EHBP1L1: variants seen among roughly 807,000 people sequenced by gnomAD.
EHBP1L1 encodes the protein EH domain-binding protein 1-like protein 1.
EHBP1L1 carries 122 observed loss-of-function variants against 151.1 expected under a neutral mutation model. The ratio of observed to expected loss-of-function variants is 0.81; its 90% CI spans 0.70 to 0.94. The LOEUF is 0.94. Ranked by LOEUF, EHBP1L1 falls within the 40% of genes least tolerant of loss-of-function variation. The probability of loss-of-function intolerance (pLI) is 0.00; values close to 1 mark genes in which losing one functional copy is unlikely to be tolerated. For synonymous variants in EHBP1L1, 878 were observed against 810.1 expected, an observed-to-expected ratio of 1.08 and a Z score of -1.42; for missense variants, 1,941 against 1,959.8, an observed-to-expected ratio of 0.99 and a Z score of 0.18.
rs1330267088 is a variant in EHBP1L1, at chr11:65,590,022, G to T, written c.4059+31G>T. The stretch of plus-strand genomic sequence containing the variant: ...GAGGGCTAAGTGGGAGGAGCTGATG[G>T]GTGAGCACCACCTATTCAGGGCCTG... On this transcript the variant is annotated intron_variant, in intron 14 of 18. Transcript: ENST00000309295. 1.9e-6 allele frequency: 3 copies of T among 1,609,176 alleles called. No homozygotes were observed. The South Asian group carries it at 3.3e-5, about 18-fold the overall frequency.
chr11:65,576,531 C>A, intron 1 of EHBP1L1, 125 bp downstream of exon 1: 1 of 823,386 alleles, frequency 1.2e-6, no homozygotes, highest in Non-Finnish European at 1.8e-6. Flanking sequence ...AGCTTGGGCC[C>A]TGGTTCCGTT....
In EHBP1L1 at chr11:65,576,380, G is replaced by A. The variant is rs747345136; in HGVS notation, c.78G>A (p.Glu26=). The change falls in exon 1 of 19, where the codon GAG becomes GAA. Residue 26 remains glutamate (E), a synonymous_variant. Coordinates refer to ENST00000309295, the MANE Select transcript of EHBP1L1 (RefSeq NM_001099409.3). ...AKFQFVACYH[E]LVLECTKKWQ... is the part of the protein sequence containing the mutation. ...TCCAGTTCGTGGCCTGTTACCACGA[G>A]CTAGTGTTGGAGTGCACCAAGAAAT... 1.9e-6 allele frequency: 3 copies of A among 1,592,242 alleles called. No individual in the cohort carries two copies. The highest frequency in any genetic ancestry group is 1.1e-5 in the South Asian group (1 of 87,728).
rs1199511801 is a variant in EHBP1L1, at chr11:65,580,234, G to C, written c.466G>C (p.Val156Leu). ...TGAGCTGAGCCTCACTCTTTCCGGG[G>C]TGCTGCTGCGGGAGGGCCGTGCCAC... Reference protein sequence around the residue: ...QAELSLTLSGVLLREGRATDD... With the variant: ...QAELSLTLSGLLLREGRATDD... Residue 156 changes from valine to leucine, a missense_variant, in exon 5 of 19, where the codon GTG becomes CTG. By Grantham distance (32) the Val-to-Leu change is conservative. Coordinates refer to ENST00000309295, the MANE Select transcript of EHBP1L1 (RefSeq NM_001099409.3). 12 of 1,613,460 alleles carry C rather than the reference G, an allele frequency of 7.4e-6. No homozygotes were observed. Among genetic ancestry groups the C allele is most frequent in the African/African-American group, 1.3e-5 (1 of 74,934 alleles).
intron 12 of EHBP1L1, 149 bp from the exon 13 acceptor site, chr11:65,589,602 C>T (rs1326938327): frequency 8.0e-7 from 1 of 1,251,986 alleles, no homozygotes; most frequent in African/African-American, 1.5e-5. Flanking sequence ...CCCGGGGGTT[C>T]TGTGCATGCA....
In EHBP1L1 at chr11:65,581,916, C is replaced by T; in HGVS notation, c.1244C>T (p.Ala415Val). The T allele has an allele frequency of 6.2e-7, 1 of 1,613,730 alleles. No homozygotes were observed. Among genetic ancestry groups the T allele is most frequent in the Non-Finnish European group, 8.5e-7 (1 of 1,179,806 alleles). ...AGGTCAGGAGTCAGAGCTGGGGAGG[C>T]TGAAGAGAGTTCAGCAGTTTGTCAA... Reference protein sequence around the residue: ...TKRSGVRAGEAEESSAVCQVD... With the variant: ...TKRSGVRAGEVEESSAVCQVD... The change falls in exon 9 of 19, where the codon GCT (alanine) becomes GTT (valine). Residue 415 changes from alanine (A) to valine (V), a missense_variant. Transcript: ENST00000309295.
chr11:65,592,171 A>G (rs780701549), intron 18 of EHBP1L1, 32 bp from the exon 19 acceptor site: 2 of 1,599,508 alleles, frequency 1.3e-6, no homozygotes, highest in Non-Finnish European at 1.7e-6. Flanking sequence ...ACCCCGCCCA[A>G]CGGAGCGCTG....
Position 65,581,383 on chromosome 11 carries a change from G to A in EHBP1L1, c.866+10G>A, listed in dbSNP as rs751601234. 6.5e-7 allele frequency: 1 copy of A among 1,532,320 alleles called. No homozygotes were observed. Among genetic ancestry groups the A allele is most frequent in the Non-Finnish European group, 8.8e-7 (1 of 1,142,476 alleles). The allele number at this position is 1,532,320 out of a possible 1,614,324, so 94.9% of individuals were successfully genotyped here. On this transcript the variant is annotated intron_variant, in intron 8 of 18. Transcript: ENST00000309295. The stretch of plus-strand genomic sequence containing the variant: ...CCTCACCAGAGATGAGGTGAGCTTT[G>A]GAACCAGCCTCACCCCCCATTGCCC...
In EHBP1L1 at chr11:65,579,374, T is replaced by C; in HGVS notation, c.196T>C (p.Tyr66His). ...CTGGCAGCCGGGCATCCAGAACCCATACCGGGGCACCGTGGTGTGGATGGT... is the reference window on the plus strand; with the variant it reads ...CTGGCAGCCGGGCATCCAGAACCCACACCGGGGCACCGTGGTGTGGATGGT... ...HSWQPGIQNP[Y>H]RGTVVWMVPE... is the part of the protein sequence containing the mutation. Residue 66 changes from tyrosine (Y) to histidine (H), a missense_variant, in exon 3 of 19, where the codon TAC becomes CAC. By Grantham distance (83) the Tyr-to-His change is moderately conservative. Coordinates refer to ENST00000309295, the MANE Select transcript of EHBP1L1 (RefSeq NM_001099409.3). 1.3e-6 allele frequency: 2 copies of C among 1,576,984 alleles called. No homozygotes were observed. Among genetic ancestry groups the C allele is most frequent in the Non-Finnish European group, 8.6e-7 (1 of 1,160,660 alleles).
chr11:65,582,771 G>A lies in EHBP1L1; in HGVS notation c.2099G>A (p.Gly700Glu), dbSNP rs1456183957. Residue 700 changes from glycine to glutamate, a missense_variant, in exon 9 of 19, where the codon GGG becomes GAG. By Grantham distance (98) the Gly-to-Glu change is moderately conservative (BLOSUM62 -2). Transcript: ENST00000309295. ...IEDTIQSEML[G>E]TQETEVEASR... is the part of the protein sequence containing the mutation. ...GATACAATACAGTCTGAGATGCTGG[G>A]GACCCAGGAGACAGAGGTGGAAGCT... 1.2e-6 allele frequency: 2 copies of A among 1,613,486 alleles called. No homozygotes were observed. The highest frequency in any genetic ancestry group is 1.7e-6 in the Non-Finnish European group (2 of 1,179,844).
In EHBP1L1 at chr11:65,583,669, G is replaced by T; in HGVS notation, c.2997G>T (p.Leu999=). Residue 999 remains leucine, a synonymous_variant, in exon 9 of 19, where the codon CTG becomes CTT. Transcript: ENST00000309295. ...AGGGAAGCCTCACAGAGGCCAGCCT[G>T]CCTGAAGCACAGGTGGCCAGTGGGG... ...EAEGSLTEAS[L]PEAQVASGAG... is the part of the protein sequence containing the mutation. The T allele has an allele frequency of 6.3e-7, 1 of 1,586,834 alleles. No homozygotes were observed. The highest frequency in any genetic ancestry group is 8.6e-7 in the Non-Finnish European group (1 of 1,167,198).
chr11:65,586,961 GCC>G (rs1590832166), intron 12 of EHBP1L1, among the ~76,000 whole-genome samples: 1 of 152,162 alleles, frequency 6.6e-6, no homozygotes, highest in Non-Finnish European at 1.5e-5. Flanking sequence ...CTCCTCATTG[GCC>G]ACCCCCCTCC....
chr11:65,583,442 G>A lies in EHBP1L1; in HGVS notation c.2770G>A (p.Val924Ile), dbSNP rs1857750206. Residue 924 changes from valine to isoleucine, a missense_variant, in exon 9 of 19, where the codon GTA becomes ATA. Transcript: ENST00000309295. The part of the protein sequence containing the change: ...SQEAKAEISG[V>I]QGSETQVLRV... Reference sequence around the variant, plus strand: ...GGAAGCAAAAGCAGAGATTTCAGGAGTACAAGGGTCAGAGACTCAAGTTCT... The same window carrying A: ...GGAAGCAAAAGCAGAGATTTCAGGAATACAAGGGTCAGAGACTCAAGTTCT... The A allele has an allele frequency of 6.2e-7, 1 of 1,613,632 alleles. No homozygotes were observed. The highest frequency in any genetic ancestry group is 8.5e-7 in the Non-Finnish European group (1 of 1,179,782).
chr11:65,579,842 G>T, intron 3 of EHBP1L1, 94 bp from the exon 4 acceptor site: 3 of 909,826 alleles, frequency 3.3e-6, no homozygotes, highest in East Asian at 3.1e-5. Context: ...AAAAAAAAAA[G>T]CCACCACTAC....
rs1236461013 is a variant in EHBP1L1, at chr11:65,585,122, G to A, written c.3464G>A (p.Gly1155Asp). The change falls in exon 12 of 19, where the codon GGC becomes GAC. Residue 1155 changes from glycine to aspartate, a missense_variant. By Grantham distance (94) the Gly-to-Asp change is moderately conservative. Coordinates refer to ENST00000309295, the MANE Select transcript of EHBP1L1 (RefSeq NM_001099409.3). The surrounding 1 kb of genome is among the most constrained non-coding windows in gnomAD (Gnocchi z 4.0). ...CAGCTGGTACAACTGGAGGGCGGCG[G>A]CGGCGCCGGCACGTACCGCGTGGGC... Reference protein sequence around the residue: ...ELQLVQLEGGGGAGTYRVGSA... With the variant: ...ELQLVQLEGGDGAGTYRVGSA... 1 of 1,500,698 alleles carries A rather than the reference G, an allele frequency of 6.7e-7. No individual in the cohort carries two copies. The allele number at this position is 1,500,698 out of a possible 1,614,324, so 93.0% of individuals were successfully genotyped here. A position where few individuals can be genotyped will look rare whatever the true frequency, so the allele number is the denominator to read the frequency against.
chr11:65,580,215 G>A lies in EHBP1L1; in HGVS notation c.447G>A (p.Leu149=), dbSNP rs1857530608. 4.3e-6 allele frequency: 7 copies of A among 1,613,642 alleles called. No individual in the cohort carries two copies. In the East Asian group the frequency reaches 1.1e-4, roughly 26 times the overall value. Residue 149 remains leucine, a synonymous_variant, in exon 5 of 19, where the codon CTG becomes CTA. Coordinates refer to ENST00000309295, the MANE Select transcript of EHBP1L1 (RefSeq NM_001099409.3). ...PKSVKVVQAE[L]SLTLSGVLLR... is the part of the protein sequence containing the mutation. The stretch of plus-strand genomic sequence containing the variant: ...CAGTGAAGGTGGTGCAGGCTGAGCT[G>A]AGCCTCACTCTTTCCGGGGTGCTGC...
intron 12 of EHBP1L1, among the ~76,000 whole-genome samples, chr11:65,587,974 T>C (rs923053663): frequency 6.6e-6 from 1 of 152,246 alleles, no homozygotes; most frequent in Non-Finnish European, 1.5e-5. Context: ...GCTGCTGTTA[T>C]TAGTCAGTGT....
Position 65,585,165 on chromosome 11 carries a change from G to A in EHBP1L1, c.3507G>A (p.Pro1169=), listed in dbSNP as rs1312469962. ...GCGTGGGCAGCGCCCAGCCCAGCCC[G>A]CCCGACGACCTGGACGCCGGAGGCC... ...TYRVGSAQPS[P]PDDLDAGGLA... Residue 1169 remains proline, a synonymous_variant, in exon 12 of 19, where the codon CCG becomes CCA. Transcript: ENST00000309295. The surrounding 1 kb of genome is among the most constrained non-coding windows in gnomAD (Gnocchi z 4.0). The A allele has an allele frequency of 7.4e-6, 10 of 1,354,690 alleles. No individual in the cohort carries two copies. The highest frequency in any genetic ancestry group is 9.4e-6 in the Non-Finnish European group (10 of 1,059,594). The allele number at this position is 1,354,690 out of a possible 1,614,324, so 83.9% of individuals were successfully genotyped here. A position where few individuals can be genotyped will look rare whatever the true frequency, so the allele number is the denominator to read the frequency against.
At chr11:65,591,942 G>C in intron 17 of EHBP1L1, 34 bp from the exon 18 acceptor site, 1 of 1,608,132 alleles carries the variant, frequency 6.2e-7, no homozygotes, top group Non-Finnish European at 8.5e-7. Context: ...CCCTGGGCCC[G>C]CGCCTCCTGA....
In EHBP1L1 at chr11:65,580,174, C is replaced by A. The variant is rs78892911; in HGVS notation, c.406C>A (p.Arg136=). The stretch of plus-strand genomic sequence containing the variant: ...GCCTGTCCAAGTCCCAGTGAGGCTG[C>A]GGCTGAAGCCAAAGTCAGTGAAGGT... ...PVPVQVPVRL[R]LKPKSVKVVQ... Residue 136 remains arginine (R), a synonymous_variant, in exon 5 of 19, where the codon CGG becomes AGG. Transcript: ENST00000309295. The A allele has an allele frequency of 1.2e-6, 2 of 1,613,532 alleles. No homozygotes were observed. Among genetic ancestry groups the A allele is most frequent in the Admixed American group, 3.3e-5 (2 of 60,022 alleles).
Sources: gnomAD v4.1 joint callset for allele counts (sites outside exome capture counted in the v4.1 genomes callset) on GRCh38, gnomAD v4.1.1 for gene constraint, Gnocchi (gnomAD v3.1) non-coding constraint, MANE v1.5 for transcripts, NCBI Gene and HGNC (gene_info 2026-07-23, HGNC 2026-07-21) for gene names.